The following IGSF10 variants were observed in gnomAD, a reference collection of about 807,000 sequenced individuals.
IGSF10 encodes the protein calvaria mechanical force protein 608.
IGSF10 carries 126 observed loss-of-function variants against 128.2 expected under a neutral mutation model. That is an observed-to-expected ratio of 0.98 (90% CI 0.85 to 1.14). The LOEUF (loss-of-function observed/expected upper bound fraction) is 1.14. Among genes scored for constraint, IGSF10 ranks in the 50% most tolerant of loss-of-function variants. IGSF10 has a pLI of 0.00. For synonymous variants in IGSF10, 1,185 were observed against 1,146.2 expected, an observed-to-expected ratio of 1.03 and a Z score of -0.68; for missense variants, 3,295 against 3,149.8, an observed-to-expected ratio of 1.05 and a Z score of -1.10.
At chr3:151,585,184 CA>C in the IGSF10 span, among the ~76,000 whole-genome samples, 4 of 151,840 alleles carry the variant, frequency 2.6e-5, no homozygotes, top group African/African-American at 7.3e-5. Context: ...AGATTTAGTA[CA>C]AAAAAGTATG....
At chr3:151,614,905 A>G in the IGSF10 span, among the ~76,000 whole-genome samples, 1 of 151,838 alleles carries the variant, frequency 6.6e-6, no homozygotes, top group Non-Finnish European at 1.5e-5. Flanking sequence ...AAAAAAAAAA[A>G]AAGAAGCCTG....
At chr3:151,504,889 C>A in the IGSF10 span, among the ~76,000 whole-genome samples, 3 of 152,330 alleles carry the variant, frequency 2.0e-5, no homozygotes, top group African/African-American at 7.2e-5. Context: ...TTCCTCATCT[C>A]CATCTGAGAT....
chr3:151,532,171 T>C, the IGSF10 span, among the ~76,000 whole-genome samples: 1 of 152,122 alleles, frequency 6.6e-6, no homozygotes, highest in Admixed American at 6.5e-5. Context: ...AGTTCTGAAA[T>C]TGAGGCAGTA....
the IGSF10 span, among the ~76,000 whole-genome samples, chr3:151,495,040 T>C: frequency 6.6e-6 from 1 of 152,148 alleles, no homozygotes; most frequent in Non-Finnish European, 1.5e-5. Flanking sequence ...CCTGGTCTGG[T>C]TGTACATACT....
chr3:151,530,950 C>T, the IGSF10 span, among the ~76,000 whole-genome samples: 1 of 152,028 alleles, frequency 6.6e-6, no homozygotes, highest in African/African-American at 2.4e-5. Context: ...ACCCATCTCA[C>T]ATGCAAAGAC....
the IGSF10 span, among the ~76,000 whole-genome samples, chr3:151,479,573 A>AT: frequency 6.6e-6 from 1 of 152,196 alleles, no homozygotes; most frequent in African/African-American, 2.4e-5. Flanking sequence ...GGCTAATCTC[A>AT]TGGACACTTA....
the IGSF10 span, among the ~76,000 whole-genome samples, chr3:151,619,430 ATGTGTGTGTGTGTGTGTG>A: frequency 6.9e-6 from 1 of 144,238 alleles, no homozygotes; most frequent in Non-Finnish European, 1.5e-5. Flanking sequence ...ATTACTTTTA[ATGTGTGTGTGTGTGTGTG>A]TGTGTGTGTG....
At chr3:151,488,904 A>G in the IGSF10 span, among the ~76,000 whole-genome samples, 15 of 152,376 alleles carry the variant, frequency 9.8e-5, no homozygotes, top group African/African-American at 3.6e-4. Flanking sequence ...CCTTCAGGAC[A>G]TAGGCATGGA....
At chr3:151,449,599 T>TGACAAA (rs1721414876) in intron 5 of IGSF10, among the ~76,000 whole-genome samples, 1 of 152,236 alleles carries the variant, frequency 6.6e-6, no homozygotes. Context: ...AATGATATGC[T>TGACAAA]CATGTTTGTC....
chr3:151,614,702 A>G, the IGSF10 span, among the ~76,000 whole-genome samples: 1 of 152,330 alleles, frequency 6.6e-6, no homozygotes, highest in South Asian at 2.1e-4. Context: ...GGATAGCATT[A>G]GGCGACATAC....
the IGSF10 span, among the ~76,000 whole-genome samples, chr3:151,603,747 G>C: frequency 6.6e-6 from 1 of 152,246 alleles, no homozygotes; most frequent in Non-Finnish European, 1.5e-5. Context: ...GGAGCCAGGA[G>C]AGCTCATGAT....
chr3:151,493,712 A>G, the IGSF10 span, among the ~76,000 whole-genome samples: 2 of 152,132 alleles, frequency 1.3e-5, no homozygotes, highest in Non-Finnish European at 2.9e-5. Flanking sequence ...TCATATAATG[A>G]AGAAATTGCC....
chr3:151,523,905 G>T, the IGSF10 span, among the ~76,000 whole-genome samples: 30 of 152,180 alleles, frequency 2.0e-4, no homozygotes, highest in South Asian at 5.6e-3. Context: ...TGTAAACCTT[G>T]TATCTGACAA....
the IGSF10 span, among the ~76,000 whole-genome samples, chr3:151,530,952 T>G: frequency 6.6e-6 from 1 of 152,012 alleles, no homozygotes; most frequent in Non-Finnish European, 1.5e-5. Flanking sequence ...CCATCTCACA[T>G]GCAAAGACAC....
At chr3:151,597,745 C>T in the IGSF10 span, among the ~76,000 whole-genome samples, 818 of 152,134 alleles carry the variant, frequency 5.4e-3, 8 homozygotes, top group African/African-American at 0.018. Context: ...GGTGAAACCT[C>T]GTCTCTACTA....
Position 151,436,956 on chromosome 3 carries a change from G to A in IGSF10, c.7605C>T (p.Pro2535=), listed in dbSNP as rs202101911. ...CCCCTGTCCTGGTGACAATACTCCT[G>A]GGTGGACGATTTGTAATTCGGGGAG... ...AYPPRITNRP[P]RSIVTRTGAA... Residue 2535 remains proline (P), a synonymous_variant, in exon 8 of 8, where the codon CCC becomes CCT. Transcript: ENST00000282466. The A allele has an allele frequency of 6.2e-7, 1 of 1,614,174 alleles. No individual in the cohort carries two copies. The highest frequency in any genetic ancestry group is 1.3e-5 in the African/African-American group (1 of 75,040).
chr3:151,443,547 C>T lies in IGSF10; in HGVS notation c.5400G>A (p.Thr1800=), dbSNP rs747618214. ...TGTGGAGGACCAATGTTCCGTCAAC[C>T]GTCACCACAGCCTGCCTACTTCCCT... ...SSQGSRQAVV[T]VDGTLVLHNL... is the part of the protein sequence containing the mutation. The change falls in exon 7 of 8, where the codon ACG becomes ACA. Residue 1800 remains threonine, a synonymous_variant. Transcript: ENST00000282466. 6.8e-6 allele frequency: 11 copies of T among 1,614,090 alleles called. No individual in the cohort carries two copies. The highest frequency in any genetic ancestry group is 1.6e-4 in the Middle Eastern group (1 of 6,084).
At chr3:151,481,167 GCAGACCCTTGCATCCCAGGGAAT>G in the IGSF10 span, among the ~76,000 whole-genome samples, 2,281 of 152,266 alleles carry the variant, frequency 0.015, 30 homozygotes, top group Non-Finnish European at 0.026. Context: ...TTGAGCAGAT[GCAGACCCTTGCATCCCAGGGAAT>G]CAGACCCTTG....
chr3:151,476,797 G>A, the IGSF10 span, among the ~76,000 whole-genome samples: 1 of 152,140 alleles, frequency 6.6e-6, no homozygotes, highest in Admixed American at 6.5e-5. Context: ...ATATAGTCAG[G>A]ATTTCATGAG....
Sources: allele counts gnomAD v4.1 joint callset (sites outside exome capture counted in the v4.1 genomes callset), GRCh38; gene constraint gnomAD v4.1.1; transcripts MANE v1.5; gene names NCBI Gene and HGNC (gene_info 2026-07-23, HGNC 2026-07-21).